MCUB: variants seen among roughly 807,000 people sequenced by gnomAD.
MCUB encodes the protein mitochondrial calcium uniporter dominant negative subunit beta, also known as calcium uniporter regulatory subunit MCUb, mitochondrial.
In MCUB, 46 loss-of-function variants were observed where a neutral mutation model predicts 41.4. That is an observed-to-expected ratio of 1.11 (90% CI 0.88 to 1.42). The LOEUF (loss-of-function observed/expected upper bound fraction) is 1.42. Ranked by LOEUF, MCUB falls within the 40% of genes most tolerant of loss-of-function variation. The pLI is 0.00. For synonymous variants in MCUB, 148 were observed against 148.2 expected (o/e 1.00, Z 0.01); for missense variants, 403 against 404.9 (o/e 1.00, Z 0.04).
intron 1 of MCUB, among the ~76,000 whole-genome samples, chr4:109,645,035 C>G (rs980371950): frequency 2.6e-5 from 4 of 152,188 alleles, no homozygotes; most frequent in African/African-American, 9.7e-5. Context: ...TTTATACTCA[C>G]TCCCACACAT....
intron 4 of MCUB, among the ~76,000 whole-genome samples, chr4:109,666,790 T>A (rs978762817): frequency 2.0e-5 from 3 of 152,112 alleles, no homozygotes; most frequent in African/African-American, 7.2e-5. Context: ...TTGCTGAGAG[T>A]CTTCATTGTG....
intron 1 of MCUB, among the ~76,000 whole-genome samples, chr4:109,620,084 C>A (rs998849171): frequency 8.5e-5 from 13 of 152,138 alleles, no homozygotes; most frequent in African/African-American, 3.1e-4. Context: ...GCCGGATATC[C>A]CTAAGGACAG....
chr4:109,614,744 C>T (rs976220816), intron 1 of MCUB, among the ~76,000 whole-genome samples: 1 of 151,618 alleles, frequency 6.6e-6, no homozygotes. Flanking sequence ...ATGTCCTGCC[C>T]TGTGGACCTC....
intron 1 of MCUB, among the ~76,000 whole-genome samples, chr4:109,634,673 ATGT>A (rs758184449): frequency 5.9e-5 from 9 of 152,080 alleles, no homozygotes; most frequent in Non-Finnish European, 1.0e-4. Flanking sequence ...AGATTCAATC[ATGT>A]TGTTGCATTG....
chr4:109,685,983 A>G (rs534017451), intron 7 of MCUB, among the ~76,000 whole-genome samples: 39 of 152,204 alleles, frequency 2.6e-4, no homozygotes, highest in Non-Finnish European at 5.1e-4. Flanking sequence ...GTAATTTCAT[A>G]ACAAAAAAGT....
At chr4:109,648,990 TA>T (rs1728901069) in intron 1 of MCUB, among the ~76,000 whole-genome samples, 4 of 152,096 alleles carry the variant, frequency 2.6e-5, no homozygotes, top group African/African-American at 4.8e-5. Context: ...AGTTTTTATT[TA>T]TTTTATGCAT....
At chr4:109,614,841 T>C (rs1017513597) in intron 1 of MCUB, among the ~76,000 whole-genome samples, 7 of 152,076 alleles carry the variant, frequency 4.6e-5, no homozygotes, top group African/African-American at 1.7e-4. Flanking sequence ...CAAGTCTTTG[T>C]AACAAATCTT....
chr4:109,580,124 G>A (rs553652939), intron 1 of MCUB, among the ~76,000 whole-genome samples: 1 of 152,178 alleles, frequency 6.6e-6, no homozygotes, highest in South Asian at 2.1e-4. Flanking sequence ...GTGAGAACAT[G>A]CGGTGTTTGG....
At chr4:109,634,829 A>G (rs1364301386) in intron 1 of MCUB, among the ~76,000 whole-genome samples, 1 of 152,160 alleles carries the variant, frequency 6.6e-6, no homozygotes, top group Non-Finnish European at 1.5e-5. Context: ...TATTATTATT[A>G]TACTGGGATA....
intron 1 of MCUB, among the ~76,000 whole-genome samples, chr4:109,654,629 A>C (rs764765710): frequency 2.1e-4 from 32 of 152,138 alleles, no homozygotes; most frequent in Non-Finnish European, 3.7e-4. Context: ...AAGAAAAAAA[A>C]ATCATAGATC....
At chr4:109,608,889 G>A (rs1312942617) in intron 1 of MCUB, among the ~76,000 whole-genome samples, 1 of 152,158 alleles carries the variant, frequency 6.6e-6, no homozygotes, top group Non-Finnish European at 1.5e-5. Context: ...AAAGGGACTT[G>A]GGTGTTGTGA....
At chr4:109,638,427 A>C (rs1482859364) in intron 1 of MCUB, among the ~76,000 whole-genome samples, 1 of 144,690 alleles carries the variant, frequency 6.9e-6, no homozygotes, top group African/African-American at 2.5e-5. Context: ...AAAAAAAAAA[A>C]AACCATACAT....
rs10557098 is a variant in MCUB, at chr4:109,618,952, TTCTCTC to T, written c.100-40027_100-40022del. Among the ~76,000 whole-genome samples, 468 of 127,680 alleles carry T rather than the reference TTCTCTC, an allele frequency of 3.7e-3. 1 individual carries two copies. Among genetic ancestry groups the T allele is most frequent in the Middle Eastern group, 0.015 (4 of 260 alleles). The allele number at this position is 127,680 out of a possible 152,430, so 83.8% of individuals were successfully genotyped here. A position where few individuals can be genotyped will look rare whatever the true frequency, so the allele number is the denominator to read the frequency against. ...TCAAGTTCATTATTGAACATTAAAC[TTCTCTC>T]TCTCTCTCTCTCTCTCTCTCTCTCT... On this transcript the variant is annotated intron_variant, in intron 1 of 7. Coordinates refer to ENST00000394650, the MANE Select transcript of MCUB (RefSeq NM_017918.5).
At chr4:109,675,519 G>T (rs1308818483) in intron 4 of MCUB, among the ~76,000 whole-genome samples, 1 of 152,208 alleles carries the variant, frequency 6.6e-6, no homozygotes, top group Non-Finnish European at 1.5e-5. Flanking sequence ...GTCTGAGAAA[G>T]CTCAGTACCC....
chr4:109,681,819 A>G (rs1418811950), intron 4 of MCUB, among the ~76,000 whole-genome samples: 1 of 152,264 alleles, frequency 6.6e-6, no homozygotes, highest in Non-Finnish European at 1.5e-5. Context: ...GCAGTGGTGG[A>G]CAGTGAGCGA....
chr4:109,638,039 T>G (rs1264341449), intron 1 of MCUB, among the ~76,000 whole-genome samples: 1 of 152,210 alleles, frequency 6.6e-6, no homozygotes. Flanking sequence ...TTGTTTTGTT[T>G]TGTTTCCTAG....
chr4:109,665,046 ATTG>A (rs1273264942), intron 4 of MCUB, among the ~76,000 whole-genome samples: 31 of 152,284 alleles, frequency 2.0e-4, no homozygotes, highest in African/African-American at 7.5e-4. Flanking sequence ...CACGCCCCTT[ATTG>A]TCAATATCCC....
chr4:109,612,394 G>C (rs945530327), intron 1 of MCUB, among the ~76,000 whole-genome samples: 10 of 151,564 alleles, frequency 6.6e-5, no homozygotes, highest in African/African-American at 2.2e-4. Flanking sequence ...AGCCTCCTGA[G>C]TAGCTGGGAT....
At position 109,587,563 on chromosome 4, in the gene MCUB, C is replaced by T. The variant is rs138466697; in HGVS notation, c.99+27127C>T. On this transcript the variant is annotated intron_variant, in intron 1 of 7. Coordinates refer to ENST00000394650, the MANE Select transcript of MCUB (RefSeq NM_017918.5). ...CGTCAATCACGCTGGGAGCTGCAGA[C>T]TGGAGCTGTTCCTATTCGTCCATCT... Among the ~76,000 whole-genome samples, 891 of 152,272 alleles carry T rather than the reference C, an allele frequency of 5.9e-3. 29 individuals carry two copies. The South Asian group carries it at 0.072, about 12-fold the overall frequency.
Sources: allele counts gnomAD v4.1 joint callset (sites outside exome capture counted in the v4.1 genomes callset), GRCh38; gene constraint gnomAD v4.1.1; transcripts MANE v1.5; gene names NCBI Gene and HGNC (gene_info 2026-07-23, HGNC 2026-07-21).